DNAH1: variants seen among roughly 807,000 people sequenced by gnomAD.
DNAH1 encodes the protein axonemal beta dynein heavy chain 1.
DNAH1 carries 327 observed loss-of-function variants against 484.3 expected under a neutral mutation model. The ratio of observed to expected loss-of-function variants is 0.68; its 90% CI spans 0.62 to 0.74. The LOEUF is 0.74. DNAH1 is among the 30% of genes least tolerant of loss of function. The pLI is 0.00. For missense variants in DNAH1, 5,052 were observed against 5,546.8 expected, an observed-to-expected ratio of 0.91 and a Z score of 2.83; for synonymous variants, 2,192 against 2,191.9, an observed-to-expected ratio of 1.00 and a Z score of 0.00.
At chr3:52,373,981 C>CT (rs1703471047) in intron 44 of DNAH1, 2 of 1,179,696 alleles carry the variant, frequency 1.7e-6, no homozygotes, top group East Asian at 4.7e-5. Flanking sequence ...ATGAATTTTT[C>CT]TTAAGATTTT....
chr3:52,363,403 G>T (rs56899118), intron 32 of DNAH1, among the ~76,000 whole-genome samples: 5 of 152,222 alleles, frequency 3.3e-5, no homozygotes, highest in African/African-American at 2.4e-5. Flanking sequence ...ACAGATGCCT[G>T]TGTGGCTACT....
At position 52,395,693 on chromosome 3, in the gene DNAH1, C is replaced by G. The variant is rs1390611148; in HGVS notation, c.11259+15C>G. ...ACCCCGACAAGGTGTGTTGCCCTGC[C>G]CATCACAGACCCAGTGGGGCCGCCT... On this transcript the variant is annotated intron_variant, in intron 70 of 77. Coordinates refer to ENST00000420323, the MANE Select transcript of DNAH1 (RefSeq NM_015512.5). The surrounding 1 kb of genome is among the most constrained non-coding windows in gnomAD (Gnocchi z 4.4). The G allele has an allele frequency of 1.9e-6, 3 of 1,610,348 alleles. No individual in the cohort carries two copies. The African/African-American group carries it at 4.0e-5, about 21-fold the overall frequency.
In DNAH1 at chr3:52,379,615, G is replaced by A. The variant is rs974712110; in HGVS notation, c.7378-290G>A. Among the ~76,000 whole-genome samples, 1 of 152,130 alleles carries A rather than the reference G, an allele frequency of 6.6e-6. No individual in the cohort carries two copies. The highest frequency in any genetic ancestry group is 1.5e-5 in the Non-Finnish European group (1 of 68,018). The stretch of plus-strand genomic sequence containing the variant: ...CAGGGGGCTAAAAGGTGGAAGTGAG[G>A]TGCTTGTGACAAGCTAGCAGAGCCA... On this transcript the variant is annotated intron_variant, in intron 47 of 77. Transcript: ENST00000420323. The surrounding 1 kb of genome is among the most constrained non-coding windows in gnomAD (Gnocchi z 4.4).
In DNAH1 at chr3:52,384,988, G is replaced by A; in HGVS notation, c.8514+11G>A. The A allele has an allele frequency of 6.2e-7, 1 of 1,608,104 alleles. No homozygotes were observed. On this transcript the variant is annotated intron_variant, in intron 53 of 77. Transcript: ENST00000420323. ...AGCGGCCTCGACAAGGTGGGCCCAG[G>A]CGAGTCCCCGTGGACAAGGTCAGCT...
chr3:52,317,261 G>A (rs1368677688), intron 1 of DNAH1, among the ~76,000 whole-genome samples: 4 of 152,148 alleles, frequency 2.6e-5, no homozygotes, highest in Non-Finnish European at 5.9e-5. Context: ...AGGGCAGGAA[G>A]ATCAAAACCT....
At chr3:52,354,747 G>A in intron 20 of DNAH1, 96 bp from the exon 21 acceptor site, 4 of 1,252,718 alleles carry the variant, frequency 3.2e-6, no homozygotes, top group Non-Finnish European at 4.5e-6. Context: ...GGAGGTCATG[G>A]CCAGGTACTG....
intron 6 of DNAH1, among the ~76,000 whole-genome samples, chr3:52,328,675 C>G (rs745932365): frequency 6.6e-6 from 1 of 152,284 alleles, no homozygotes; most frequent in Non-Finnish European, 1.5e-5. Context: ...AGGCCTGCCC[C>G]AGCGGCTGTG....
At chr3:52,354,386 C>T (rs1273187687) in intron 20 of DNAH1, among the ~76,000 whole-genome samples, 2 of 152,154 alleles carry the variant, frequency 1.3e-5, no homozygotes, top group African/African-American at 4.8e-5. Flanking sequence ...GTAATCCCAG[C>T]ACTTGGGAGG....
intron 34 of DNAH1, among the ~76,000 whole-genome samples, chr3:52,365,773 G>C (rs1703047457): frequency 6.6e-6 from 1 of 152,148 alleles, no homozygotes; most frequent in Non-Finnish European, 1.5e-5. Flanking sequence ...TCCCCCAGGT[G>C]CCCTCCATTG....
chr3:52,326,150 T>C lies in DNAH1; in HGVS notation c.417T>C (p.Phe139=). 2.5e-6 allele frequency: 4 copies of C among 1,604,428 alleles called. No homozygotes were observed. The highest frequency in any genetic ancestry group is 3.4e-6 in the Non-Finnish European group (4 of 1,174,010). ...LDKFTPRVGS[F]EVPEDFQERM... ...TGCTTCTACCTGCAGTCGGAAGCTT[T>C]GAGGTTCCTGAAGACTTCCAGGAGC... Residue 139 remains phenylalanine, a synonymous_variant, in exon 4 of 78, where the codon TTT becomes TTC. Coordinates refer to ENST00000420323, the MANE Select transcript of DNAH1 (RefSeq NM_015512.5).
Position 52,370,309 on chromosome 3 carries a change from G to A in DNAH1, c.6258+80G>A, listed in dbSNP as rs200208724. The A allele has an allele frequency of 1.9e-6, 3 of 1,570,950 alleles. No individual in the cohort carries two copies. In the East Asian group the frequency reaches 6.9e-5, roughly 36 times the overall value. ...TCCTTGCTCTCTGGGGCCTGAAAGA[G>A]AGAATTGGATTGGTGCAACATGGTG... On this transcript the variant is annotated intron_variant, in intron 39 of 77. Coordinates refer to ENST00000420323, the MANE Select transcript of DNAH1 (RefSeq NM_015512.5).
rs752963866 is a variant in DNAH1, at chr3:52,328,034, A to G, written c.871+20A>G. On this transcript the variant is annotated intron_variant, in intron 6 of 77. Transcript: ENST00000420323. Reference sequence around the variant, plus strand: ...GGCATGGTGAGCAAGGCCACTCTGGAGTGGGGACACTATCTCATTCCAGTA... The same window carrying G: ...GGCATGGTGAGCAAGGCCACTCTGGGGTGGGGACACTATCTCATTCCAGTA... The G allele has an allele frequency of 1.1e-5, 18 of 1,610,630 alleles. No homozygotes were observed. Among genetic ancestry groups the G allele is most frequent in the Non-Finnish European group, 1.4e-5 (17 of 1,177,352 alleles).
intron 8 of DNAH1, 66 bp downstream of exon 8, chr3:52,332,460 G>C (rs1198891043): frequency 6.3e-7 from 1 of 1,575,580 alleles, no homozygotes; most frequent in Non-Finnish European, 8.6e-7. Context: ...CCCATAGGAA[G>C]TTGGTGCTAC....
intron 66 of DNAH1, among the ~76,000 whole-genome samples, chr3:52,394,093 A>C (rs1024009188): frequency 1.3e-5 from 2 of 152,274 alleles, no homozygotes; most frequent in Non-Finnish European, 2.9e-5. Context: ...TCACACTCTC[A>C]TGAAGCCCTA....
chr3:52,347,590 C>A (rs1318146130), intron 11 of DNAH1, among the ~76,000 whole-genome samples: 1 of 152,158 alleles, frequency 6.6e-6, no homozygotes, highest in South Asian at 2.1e-4. Context: ...GGGTGGGGGG[C>A]CTCCCTCTCG....
rs1483729535 is a variant in DNAH1, at chr3:52,361,572, C to A, written c.4875-89C>A. ...GAGATTGCCCCTGAGGGCTTCCTCC[C>A]AAGTGGAGTTGGAGGGGGCCCTCAG... On this transcript the variant is annotated intron_variant, in intron 29 of 77. Coordinates refer to ENST00000420323, the MANE Select transcript of DNAH1 (RefSeq NM_015512.5). This position sits in a 1 kb window ranked among gnomAD's most constrained non-coding sequence, Gnocchi z 5.6. 4 of 1,402,754 alleles carry A rather than the reference C, an allele frequency of 2.9e-6. No homozygotes were observed. The highest frequency in any genetic ancestry group is 3.9e-6 in the Non-Finnish European group (4 of 1,022,990). 86.9% of individuals were successfully genotyped at this position (1,402,754 alleles called of 1,614,324 possible). A position where few individuals can be genotyped will look rare whatever the true frequency, so the allele number is the denominator to read the frequency against.
Position 52,381,924 on chromosome 3 carries a change from GC to G in DNAH1, c.7805+90del. On this transcript the variant is annotated intron_variant, in intron 49 of 77. Transcript: ENST00000420323. This position sits in a 1 kb window ranked among gnomAD's most constrained non-coding sequence, Gnocchi z 4.1. ...CCCATGCTTTTGCACAGTGGTAGAGGCCTCGGGCAACCCTGAAGTAGGCCCG... is the reference window on the plus strand; with the variant it reads ...CCCATGCTTTTGCACAGTGGTAGAGGCTCGGGCAACCCTGAAGTAGGCCCG... 7.2e-7 allele frequency: 1 copy of G among 1,395,980 alleles called. No homozygotes were observed. Among genetic ancestry groups the G allele is most frequent in the East Asian group, 2.5e-5 (1 of 39,876 alleles). 86.5% of individuals were successfully genotyped at this position (1,395,980 alleles called of 1,614,324 possible). A position where few individuals can be genotyped will look rare whatever the true frequency, so the allele number is the denominator to read the frequency against.
rs1341974651 is a variant in DNAH1, at chr3:52,379,566, C to G, written c.7378-339C>G. ...GTGTTAGGAGCATCAAGCATCCCTCCCAGGTTTGGGGTTAGGGGAGCGACA... is the reference window on the plus strand; with the variant it reads ...GTGTTAGGAGCATCAAGCATCCCTCGCAGGTTTGGGGTTAGGGGAGCGACA... On this transcript the variant is annotated intron_variant, in intron 47 of 77. Coordinates refer to ENST00000420323, the MANE Select transcript of DNAH1 (RefSeq NM_015512.5). This position sits in a 1 kb window ranked among gnomAD's most constrained non-coding sequence, Gnocchi z 4.4. Among the ~76,000 whole-genome samples, 1 of 152,040 alleles carries G rather than the reference C, an allele frequency of 6.6e-6. No individual in the cohort carries two copies. The highest frequency in any genetic ancestry group is 2.4e-5 in the African/African-American group (1 of 41,384).
chr3:52,313,528 C>T (rs1469221064), upstream of DNAH1, among the ~76,000 whole-genome samples: 3 of 152,186 alleles, frequency 2.0e-5, no homozygotes, highest in Admixed American at 2.0e-4. Flanking sequence ...TTCTTGCCAC[C>T]TCAGTTTGCA....
Sources: allele counts gnomAD v4.1 joint callset (sites outside exome capture counted in the v4.1 genomes callset), GRCh38; gene constraint gnomAD v4.1.1; non-coding constraint Gnocchi (gnomAD v3.1); transcripts MANE v1.5; gene names NCBI Gene and HGNC (gene_info 2026-07-23, HGNC 2026-07-21).